The following KCNIP4 variants were observed in gnomAD, a reference collection of about 807,000 sequenced individuals.
The protein encoded by KCNIP4 is potassium voltage-gated channel interacting protein 4.
Under a neutral mutation model 34.0 loss-of-function variants are expected in KCNIP4, and 12 were observed. The observed-to-expected ratio is 0.35, with a 90% CI of 0.23 to 0.57. KCNIP4 has a LOEUF of 0.57. Ranked by LOEUF, KCNIP4 falls within the 20% of genes least tolerant of loss-of-function variation. The pLI, the probability that KCNIP4 is intolerant of heterozygous loss-of-function variation, is 0.83. For synonymous variants in KCNIP4, 124 were observed against 102.2 expected, an observed-to-expected ratio of 1.21 and a Z score of -1.29; for missense variants, 238 against 311.7, an observed-to-expected ratio of 0.76 and a Z score of 1.78.
chr4:21,708,315 A>G (rs7669417), intron 1 of KCNIP4, among the ~76,000 whole-genome samples: 12,461 of 152,050 alleles, frequency 0.082, 1,340 homozygotes, highest in African/African-American at 0.24. Context: ...TCAAAGTACA[A>G]TGTTTGGCCT....
chr4:21,634,582 C>G (rs938288943), intron 1 of KCNIP4, among the ~76,000 whole-genome samples: 3 of 152,070 alleles, frequency 2.0e-5, no homozygotes, highest in African/African-American at 7.2e-5. Context: ...GAAATAAAAA[C>G]ACAATTTGCA....
intron 1 of KCNIP4, among the ~76,000 whole-genome samples, chr4:21,605,996 T>A (rs1743621266): frequency 6.6e-6 from 1 of 152,114 alleles, no homozygotes; most frequent in Non-Finnish European, 1.5e-5. Context: ...TCTGTTGTTT[T>A]CTCTTTGGAC....
At chr4:21,509,197 C>T (rs1469818387) in intron 1 of KCNIP4, among the ~76,000 whole-genome samples, 1 of 152,100 alleles carries the variant, frequency 6.6e-6, no homozygotes, top group East Asian at 1.9e-4. Flanking sequence ...GATAGTGATG[C>T]TAACCAGCAT....
intron 1 of KCNIP4, among the ~76,000 whole-genome samples, chr4:21,240,052 T>G (rs548267082): frequency 6.6e-6 from 1 of 151,744 alleles, no homozygotes; most frequent in Non-Finnish European, 1.5e-5. Flanking sequence ...CCATAAAAAA[T>G]GATGAGTTCA....
chr4:21,501,046 T>G (rs1037777630), intron 1 of KCNIP4, among the ~76,000 whole-genome samples: 3 of 152,102 alleles, frequency 2.0e-5, no homozygotes, highest in African/African-American at 7.2e-5. Flanking sequence ...ACCTCTAATC[T>G]CTAACTTCTG....
intron 1 of KCNIP4, among the ~76,000 whole-genome samples, chr4:21,585,977 A>C (rs1176011304): frequency 6.6e-6 from 1 of 152,124 alleles, no homozygotes; most frequent in Non-Finnish European, 1.5e-5. Context: ...TTTGGTGAAG[A>C]AGAGAAACTG....
chr4:20,732,806 A>G, intron 6 of KCNIP4, 21 bp from the exon 7 acceptor site: 1 of 1,395,178 alleles, frequency 7.2e-7, no homozygotes, highest in Non-Finnish European at 1.0e-6. Context: ...AAAGGCACTC[A>G]CGTGAGGCTG....
At chr4:21,430,937 G>T (rs1265529826) in intron 1 of KCNIP4, among the ~76,000 whole-genome samples, 3 of 151,822 alleles carry the variant, frequency 2.0e-5, no homozygotes, top group African/African-American at 7.3e-5. Flanking sequence ...AAAAAAAAAG[G>T]CATTGATTTA....
intron 1 of KCNIP4, among the ~76,000 whole-genome samples, chr4:21,141,228 G>A (rs908287933): frequency 3.9e-5 from 6 of 152,056 alleles, no homozygotes; most frequent in Non-Finnish European, 4.4e-5. Flanking sequence ...ACATACTGTT[G>A]GAAAAATGGC....
chr4:20,814,829 C>T (rs1033206785), intron 3 of KCNIP4, among the ~76,000 whole-genome samples: 1 of 152,098 alleles, frequency 6.6e-6, no homozygotes, highest in East Asian at 1.9e-4. Flanking sequence ...TATTTCTCAG[C>T]AATGGGCTCA....
At chr4:21,611,183 GTA>G (rs1031928974) in intron 1 of KCNIP4, among the ~76,000 whole-genome samples, 9 of 152,280 alleles carry the variant, frequency 5.9e-5, no homozygotes, top group African/African-American at 2.2e-4. Flanking sequence ...ATTCCATGGT[GTA>G]TATGTGTCAC....
At chr4:21,701,084 G>C (rs1712798374) in intron 1 of KCNIP4, among the ~76,000 whole-genome samples, 1 of 152,060 alleles carries the variant, frequency 6.6e-6, no homozygotes, top group Non-Finnish European at 1.5e-5. Flanking sequence ...TACAAATTAG[G>C]AAATTCTATC....
chr4:21,773,750 T>G (rs1366604610), intron 1 of KCNIP4, among the ~76,000 whole-genome samples: 3 of 81,438 alleles, frequency 3.7e-5, no homozygotes, highest in African/African-American at 1.2e-4. Flanking sequence ...TTGTTGTTTT[T>G]TTTTTTTTGT....
At chr4:20,989,972 A>C (rs555987183) in intron 1 of KCNIP4, among the ~76,000 whole-genome samples, 1 of 152,264 alleles carries the variant, frequency 6.6e-6, no homozygotes, top group Non-Finnish European at 1.5e-5. Context: ...CAAAACAAAA[A>C]CAAAACAAAA....
chr4:20,812,537 C>T (rs1040082479), intron 3 of KCNIP4, among the ~76,000 whole-genome samples: 2 of 152,108 alleles, frequency 1.3e-5, no homozygotes, highest in African/African-American at 2.4e-5. Flanking sequence ...TTTTTCATGT[C>T]GCAATATGCT....
At position 21,427,843 on chromosome 4, in the gene KCNIP4, A is replaced by G. The variant is rs182383421; in HGVS notation, c.61+520728T>C. Among the ~76,000 whole-genome samples, 5 of 152,282 alleles carry G rather than the reference A, an allele frequency of 3.3e-5. No homozygotes were observed. In the East Asian group the frequency reaches 7.7e-4, roughly 24 times the overall value. ...TTAAGAAAACTGACAGCCAGAAACC[A>G]TCATAGCCAACATGAATTCTCTTTC... On this transcript the variant is annotated intron_variant, in intron 1 of 8. Coordinates refer to ENST00000382152, the MANE Select transcript of KCNIP4 (RefSeq NM_025221.6).
intron 1 of KCNIP4, among the ~76,000 whole-genome samples, chr4:21,246,452 C>G (rs1444504565): frequency 2.6e-5 from 4 of 152,190 alleles, no homozygotes; most frequent in African/African-American, 4.8e-5. Context: ...TGAACCATTA[C>G]TGCAAAATAC....
At chr4:21,358,180 G>T (rs1718853835) in intron 1 of KCNIP4, among the ~76,000 whole-genome samples, 1 of 152,078 alleles carries the variant, frequency 6.6e-6, no homozygotes, top group African/African-American at 2.4e-5. Context: ...GTGGTGGGGG[G>T]CTGGTGGAGG....
intron 1 of KCNIP4, among the ~76,000 whole-genome samples, chr4:21,632,781 G>A (rs1337380665): frequency 6.6e-6 from 1 of 152,128 alleles, no homozygotes; most frequent in Non-Finnish European, 1.5e-5. Context: ...GGTATCTGGA[G>A]CAGGAGATGG....
Sources: gnomAD v4.1 joint callset for allele counts (sites outside exome capture counted in the v4.1 genomes callset) on GRCh38, gnomAD v4.1.1 for gene constraint, MANE v1.5 for transcripts, NCBI Gene and HGNC (gene_info 2026-07-23, HGNC 2026-07-21) for gene names.